Variants in LYZ observed in about 807,000 individuals in gnomAD.
The protein encoded by LYZ is lysozyme C.
In LYZ, 18 loss-of-function variants were observed where a neutral mutation model predicts 15.8. The observed-to-expected ratio is 1.14, with a 90% CI of 0.79 to 1.69. The LOEUF is 1.69. Among genes scored for constraint, LYZ ranks in the 40% most tolerant of loss-of-function variants. LYZ has a pLI of 0.00. For synonymous variants in LYZ, 60 were observed against 61.7 expected (o/e 0.97, Z 0.13); for missense variants, 139 against 182.8 (o/e 0.76, Z 1.38).
At chr12:69,351,816 T>C (rs1874849257) in intron 2 of LYZ, among the ~76,000 whole-genome samples, 1 of 152,226 alleles carries the variant, frequency 6.6e-6, no homozygotes, top group Admixed American at 6.5e-5. Flanking sequence ...TATTGAGCAC[T>C]TAGGTTGTTT....
At chr12:69,348,568 A>G in intron 1 of LYZ, 24 bp downstream of exon 1, 1 of 1,613,920 alleles carries the variant, frequency 6.2e-7, no homozygotes, top group Non-Finnish European at 8.5e-7. Flanking sequence ...CCATAATTCC[A>G]GAGAATTAGC....
chr12:69,348,820 T>C (rs536843528), intron 1 of LYZ, among the ~76,000 whole-genome samples: 34 of 152,196 alleles, frequency 2.2e-4, no homozygotes, highest in Middle Eastern at 6.8e-3. Flanking sequence ...TGAGATTCAA[T>C]GGCACATGTA....
At position 69,352,428 on chromosome 12, in the gene LYZ, A is replaced by G. The variant is rs1874862933; in HGVS notation, c.380+130A>G. The stretch of plus-strand genomic sequence containing the variant: ...TGCAGCTTTTGGCTTATGCTAAATG[A>G]TGTATTACCTACATCCTTGAAGAAA... On this transcript the variant is annotated intron_variant, in intron 3 of 3. Transcript: ENST00000261267. 12 of 665,700 alleles carry G rather than the reference A, an allele frequency of 1.8e-5. 1 individual carries two copies. In the South Asian group the frequency reaches 2.0e-4, roughly 11 times the overall value. 41.2% of individuals were successfully genotyped at this position (665,700 alleles called of 1,614,324 possible). A position where few individuals can be genotyped will look rare whatever the true frequency, so the allele number is the denominator to read the frequency against.
chr12:69,350,197 C>T lies in LYZ; in HGVS notation c.226C>T (p.Gln76Ter), dbSNP rs1489787763. The stretch of plus-strand genomic sequence containing the variant: ...CAGAAGCACTGATTATGGGATATTT[C>T]AGATCAATAGCCGCTACTGGTGTAA... ...GDRSTDYGIF[Q>*]INSRYWCNDG... is the part of the protein sequence containing the mutation. The change falls in exon 2 of 4, where the codon CAG becomes TAG. Residue 76 changes from glutamine to a stop codon, truncating the protein, a stop_gained. Coordinates refer to ENST00000261267, the MANE Select transcript of LYZ (RefSeq NM_000239.3). LOFTEE classifies it high-confidence loss of function. The T allele has an allele frequency of 6.2e-7, 1 of 1,613,966 alleles. No individual in the cohort carries two copies. The highest frequency in any genetic ancestry group is 8.5e-7 in the Non-Finnish European group (1 of 1,179,990).
intron 1 of LYZ, among the ~76,000 whole-genome samples, chr12:69,349,303 G>A (rs745674095): frequency 1.3e-5 from 2 of 152,022 alleles, no homozygotes; most frequent in African/African-American, 2.4e-5. Flanking sequence ...GCACCCAGCC[G>A]ACATGGGATT....
chr12:69,350,737 C>CTTTTTTTTTTTTTTT (rs60163961), intron 2 of LYZ, among the ~76,000 whole-genome samples: 3 of 26,044 alleles, frequency 1.2e-4, no homozygotes, highest in African/African-American at 3.0e-4. Context: ...TCTTCTATGC[C>CTTTTTTTTTTTTTTT]TTTTTTTTTT....
intron 1 of LYZ, among the ~76,000 whole-genome samples, chr12:69,349,133 C>A (rs1874787605): frequency 6.6e-6 from 1 of 152,152 alleles, no homozygotes; most frequent in Non-Finnish European, 1.5e-5. Context: ...TTCTGAGTAG[C>A]TGTGACTACA....
chr12:69,349,585 ATAGC>A (rs2120825402), intron 1 of LYZ, among the ~76,000 whole-genome samples: 1 of 152,344 alleles, frequency 6.6e-6, no homozygotes, highest in Non-Finnish European at 1.5e-5. Context: ...TTTCCCCTCA[ATAGC>A]TATTTTTGAA....
intron 2 of LYZ, among the ~76,000 whole-genome samples, chr12:69,351,424 A>C (rs1874842201): frequency 6.6e-6 from 1 of 151,824 alleles, no homozygotes; most frequent in African/African-American, 2.4e-5. Flanking sequence ...AAAAATTAGA[A>C]AATACAAATA....
intron 1 of LYZ, among the ~76,000 whole-genome samples, chr12:69,349,726 A>G (rs1348025269): frequency 6.6e-6 from 1 of 152,228 alleles, no homozygotes; most frequent in Admixed American, 6.5e-5. Context: ...TCTGATTAAA[A>G]AAAGCATTTT....
intron 2 of LYZ, among the ~76,000 whole-genome samples, chr12:69,350,737 C>CTTTTTTTTTTTTTTTTTTT: frequency 3.8e-5 from 1 of 26,042 alleles, no homozygotes; most frequent in Non-Finnish European, 8.3e-5. Flanking sequence ...TCTTCTATGC[C>CTTTTTTTTTTTTTTTTTTT]TTTTTTTTTT....
chr12:69,352,369 T>TCTTTA, intron 3 of LYZ, 71 bp downstream of exon 3: 1 of 1,257,616 alleles, frequency 8.0e-7, no homozygotes, highest in Non-Finnish European at 1.2e-6. Context: ...AGCAGACTTT[T>TCTTTA]AAAGACCAAA....
chr12:69,350,736 CCTTTTTT>C (rs1874825202), intron 2 of LYZ, among the ~76,000 whole-genome samples: 1 of 58,660 alleles, frequency 1.7e-5, no homozygotes, highest in Non-Finnish European at 3.1e-5. Flanking sequence ...TTCTTCTATG[CCTTTTTT>C]TTTTTTTTTT....
chr12:69,348,622 G>GACCTCTTCCCCC, intron 1 of LYZ, 78 bp downstream of exon 1: 1 of 1,510,938 alleles, frequency 6.6e-7, no homozygotes. Context: ...AAGAAGAAGG[G>GACCTCTTCCCCC]GCTTTGAGTG....
intron 2 of LYZ, 180 bp downstream of exon 2, chr12:69,350,452 A>T (rs1331712823): frequency 3.1e-6 from 2 of 636,042 alleles, no homozygotes; most frequent in African/African-American, 3.7e-5. Context: ...TGGTATCATA[A>T]AAGGTTGATG....
chr12:69,351,798 A>T (rs577002650), intron 2 of LYZ, among the ~76,000 whole-genome samples: 25 of 152,316 alleles, frequency 1.6e-4, no homozygotes, highest in Admixed American at 3.9e-4. Flanking sequence ...TACTGATCCA[A>T]TTGTTACTAT....
chr12:69,352,664 A>T (rs1316243340), intron 3 of LYZ, among the ~76,000 whole-genome samples: 1 of 152,220 alleles, frequency 6.6e-6, no homozygotes, highest in Non-Finnish European at 1.5e-5. Context: ...ACCTGAGGTC[A>T]GGAGTTCGAG....
intron 2 of LYZ, 75 bp downstream of exon 2, chr12:69,350,347 G>A: frequency 6.6e-7 from 1 of 1,521,980 alleles, no homozygotes; most frequent in Non-Finnish European, 9.1e-7. Flanking sequence ...AAAAAGCCTT[G>A]AAAGGTTCAT....
chr12:69,349,328 T>G (rs1874790994), intron 1 of LYZ, among the ~76,000 whole-genome samples: 1 of 152,100 alleles, frequency 6.6e-6, no homozygotes, highest in African/African-American at 2.4e-5. Flanking sequence ...ACAGTGATGT[T>G]TTTAAAGAAT....
Sources: allele counts gnomAD v4.1 joint callset (sites outside exome capture counted in the v4.1 genomes callset), GRCh38; gene constraint gnomAD v4.1.1; transcripts MANE v1.5; gene names NCBI Gene and HGNC (gene_info 2026-07-23, HGNC 2026-07-21).